Variants in DCAF6 observed in about 807,000 individuals in gnomAD.
DCAF6 encodes DDB1 and CUL4 associated factor 6.
DCAF6 carries 54 observed loss-of-function variants against 125.1 expected under a neutral mutation model. The ratio of observed to expected loss-of-function variants is 0.43; its 90% CI spans 0.35 to 0.54. The LOEUF is 0.54. DCAF6 is among the 20% of genes least tolerant of loss of function. DCAF6 has a pLI of 0.01. For missense variants in DCAF6, 934 were observed against 1,161.7 expected, an observed-to-expected ratio of 0.80 and a Z score of 2.85; for synonymous variants, 371 against 390.4, an observed-to-expected ratio of 0.95 and a Z score of 0.58.
At chr1:167,942,406 T>C (rs1672391673) in intron 1 of DCAF6, among the ~76,000 whole-genome samples, 1 of 152,102 alleles carries the variant, frequency 6.6e-6, no homozygotes, top group Non-Finnish European at 1.5e-5. Flanking sequence ...TTGAGTATCT[T>C]TTGTGGCTTT....
At chr1:167,936,152 T>A, upstream of DCAF6, 1 of 328,442 alleles carries the variant, frequency 3.0e-6, no homozygotes, top group Non-Finnish European at 5.8e-6. Context: ...CGCTGCGCCC[T>A]GCTGGCAGCG....
chr1:168,016,166 A>T (rs895328212), intron 11 of DCAF6, among the ~76,000 whole-genome samples: 7 of 152,224 alleles, frequency 4.6e-5, no homozygotes, highest in African/African-American at 1.7e-4. Context: ...AAAATAATCA[A>T]TTTTAAAAGT....
At chr1:168,009,461 T>TCTTC (rs71100923) in intron 10 of DCAF6, among the ~76,000 whole-genome samples, 133,168 of 140,752 alleles carry the variant, frequency 0.95, 63,247 homozygotes, top group East Asian at 1. Flanking sequence ...TGTCTCTCTC[T>TCTTC]CTTCCTTCCT....
At chr1:167,936,107 C>T (rs531303902), upstream of DCAF6, 6 of 530,250 alleles carry the variant, frequency 1.1e-5, no homozygotes, top group East Asian at 2.0e-4. Context: ...GGAGCCATGG[C>T]AACAGGTGCC....
At position 167,936,833 on chromosome 1, in the gene DCAF6, G is replaced by A. The variant is rs1245681197; in HGVS notation, c.-79G>A. The A allele has an allele frequency of 5.5e-6, 7 of 1,279,436 alleles. No homozygotes were observed. Among genetic ancestry groups the A allele is most frequent in the African/African-American group, 1.5e-5 (1 of 67,090 alleles). 79.3% of individuals were successfully genotyped at this position (1,279,436 alleles called of 1,614,324 possible). On this transcript the variant is annotated 5_prime_UTR_variant, in exon 1 of 22. It adds an upstream start codon to the 5' untranslated region. Coordinates refer to ENST00000367840, the MANE Select transcript of DCAF6 (RefSeq NM_001198956.2). ...CGCGGATGGTGCCGGTGCGGCTCGG[G>A]TGTTGAAACGGGTGTCCCCTCCCCC...
chr1:167,988,014 G>A (rs1447032791), intron 5 of DCAF6, among the ~76,000 whole-genome samples: 1 of 151,782 alleles, frequency 6.6e-6, no homozygotes, highest in Admixed American at 6.6e-5. Context: ...TTTTTCTCCT[G>A]TCTTTTAAAC....
At chr1:167,927,143 C>A in the DCAF6 span, among the ~76,000 whole-genome samples, 1 of 152,204 alleles carries the variant, frequency 6.6e-6, no homozygotes, top group Non-Finnish European at 1.5e-5. Flanking sequence ...TTCTGTCTGA[C>A]CCAGATTTGC....
chr1:167,987,678 A>T, intron 5 of DCAF6, 70 bp downstream of exon 5: 1 of 776,582 alleles, frequency 1.3e-6, no homozygotes, highest in East Asian at 2.7e-5. Context: ...GTTATAATTA[A>T]AGTTATAATT....
intron 1 of DCAF6, among the ~76,000 whole-genome samples, chr1:167,937,773 G>A (rs1671548020): frequency 6.6e-6 from 1 of 151,824 alleles, no homozygotes; most frequent in African/African-American, 2.4e-5. Context: ...TCTAGGTCAC[G>A]CCCGAGTCAA....
chr1:167,886,600 A>G, the DCAF6 span, among the ~76,000 whole-genome samples: 3 of 152,202 alleles, frequency 2.0e-5, no homozygotes, highest in African/African-American at 4.8e-5. Context: ...AAACCCTAGA[A>G]GAAACCTAGG....
intron 12 of DCAF6, among the ~76,000 whole-genome samples, chr1:168,034,807 T>G (rs1558007510): frequency 6.6e-6 from 1 of 152,216 alleles, no homozygotes; most frequent in Non-Finnish European, 1.5e-5. Flanking sequence ...CTGTGCATTA[T>G]GTAAATAAGA....
the DCAF6 span, chr1:167,918,243 G>T: frequency 8.6e-7 from 1 of 1,168,202 alleles, no homozygotes. Context: ...AGTTAGCTTT[G>T]CTTTATCAAT....
the DCAF6 span, among the ~76,000 whole-genome samples, chr1:167,909,102 ATT>A: frequency 3.0e-4 from 45 of 152,222 alleles, no homozygotes; most frequent in African/African-American, 1.1e-3. Context: ...AACCTTTCTT[ATT>A]TCTAACAACA....
chr1:167,956,450 TG>T (rs1361267791), intron 2 of DCAF6, among the ~76,000 whole-genome samples: 1 of 152,172 alleles, frequency 6.6e-6, no homozygotes, highest in Non-Finnish European at 1.5e-5. Context: ...ATTTTCTCCA[TG>T]TTTTTTCCTG....
chr1:167,883,180 G>T, the DCAF6 span, among the ~76,000 whole-genome samples: 1 of 152,208 alleles, frequency 6.6e-6, no homozygotes. Flanking sequence ...TGAGATTACA[G>T]GCACGTGCCA....
chr1:167,908,338 A>G, the DCAF6 span, among the ~76,000 whole-genome samples: 1 of 152,190 alleles, frequency 6.6e-6, no homozygotes. Context: ...TCACTTATAT[A>G]TGGAATCTAA....
chr1:167,969,126 G>A (rs980915213), intron 3 of DCAF6: 9 of 151,786 alleles, frequency 5.9e-5, no homozygotes, highest in Admixed American at 5.9e-4. Context: ...AAGTCATTAT[G>A]TCTAAAGTCC....
At chr1:168,041,567 C>T (rs1688532809) in intron 13 of DCAF6, among the ~76,000 whole-genome samples, 1 of 151,896 alleles carries the variant, frequency 6.6e-6, no homozygotes, top group Non-Finnish European at 1.5e-5. Flanking sequence ...AACGTGAAGC[C>T]ATAGCTTTGG....
chr1:168,074,723 A>G (rs753199254), intron 21 of DCAF6, among the ~76,000 whole-genome samples: 17 of 152,184 alleles, frequency 1.1e-4, no homozygotes, highest in Non-Finnish European at 2.2e-4. Flanking sequence ...CACCAAGGGT[A>G]TAATAGTTGT....
Sources: allele counts gnomAD v4.1 joint callset (sites outside exome capture counted in the v4.1 genomes callset), GRCh38; gene constraint gnomAD v4.1.1; transcripts MANE v1.5; gene names NCBI Gene and HGNC (gene_info 2026-07-23, HGNC 2026-07-21).